The following RP1 variants were observed in gnomAD, a reference collection of about 807,000 sequenced individuals.
The protein encoded by RP1 is RP1 axonemal microtubule associated.
A neutral mutation model predicts 14.8 loss-of-function variants in RP1; 16 were observed. That is an observed-to-expected ratio of 1.08 (90% CI 0.73 to 1.65). The LOEUF (loss-of-function observed/expected upper bound fraction) is 1.65, where lower values mean the gene tolerates loss of function less well. Among genes scored for constraint, RP1 ranks in the 40% most tolerant of loss-of-function variants. The probability of loss-of-function intolerance (pLI) is 0.00; values close to 1 mark genes in which losing one functional copy is unlikely to be tolerated. For missense variants in RP1, 2,631 were observed against 2,535.0 expected (o/e 1.04, Z -0.81); for synonymous variants, 876 against 883.6 (o/e 0.99, Z 0.15).
Position 54,706,703 on chromosome 8 carries a change from C to T in RP1, c.2211+48C>T, listed in dbSNP as rs574300142. 24 of 1,511,196 alleles carry T rather than the reference C, an allele frequency of 1.6e-5. No individual in the cohort carries two copies. The East Asian group carries it at 5.4e-4, about 34-fold the overall frequency. 93.6% of individuals were successfully genotyped at this position (1,511,196 alleles called of 1,614,324 possible). A position where few individuals can be genotyped will look rare whatever the true frequency, so the allele number is the denominator to read the frequency against. On this transcript the variant is annotated intron_variant, in intron 15 of 22. Coordinates refer to the RP1 transcript ENST00000636932. ...CTCAGCAAATGTTTAAGACATTTGC[C>T]AGTTGTAGACATGAGAATAGCACTT...
intron 1 of RP1, among the ~76,000 whole-genome samples, chr8:54,565,512 C>A (rs944343182): frequency 6.6e-6 from 1 of 152,132 alleles, no homozygotes; most frequent in South Asian, 2.1e-4. Flanking sequence ...TTGCAAAAAC[C>A]AAAAACCTTA....
exon 9 of RP1, chr8:54,678,513 C>T (rs187195659): frequency 6.3e-5 from 97 of 1,533,620 alleles, no homozygotes; most frequent in Non-Finnish European, 7.5e-5. Flanking sequence ...CAACAAATTA[C>T]GAATATGCCT....
In RP1 at chr8:54,679,910, T is replaced by C. The variant is rs924401868; in HGVS notation, c.1694T>C (p.Ile565Thr). 22 of 1,535,894 alleles carry C rather than the reference T, an allele frequency of 1.4e-5. No individual in the cohort carries two copies. In the African/African-American group the frequency reaches 1.9e-4, roughly 13 times the overall value. The stretch of plus-strand genomic sequence containing the variant: ...CATCCAGATGGCACAGTTGACGCCA[T>C]TGGAGAGAAGACAGACAAATATGGT... Residue 565 changes from isoleucine to threonine, a missense_variant, in exon 12 of 23, where the codon ATT (isoleucine) becomes ACT (threonine). By Grantham distance (89) the Ile-to-Thr change is moderately conservative. Coordinates refer to the RP1 transcript ENST00000636932.
intron 22 of RP1, among the ~76,000 whole-genome samples, chr8:54,768,637 A>T (rs1809824271): frequency 6.6e-6 from 1 of 152,194 alleles, no homozygotes; most frequent in African/African-American, 2.4e-5. Flanking sequence ...CTTGTACACG[A>T]CTTTTCATTT....
chr8:54,797,927 T>C (rs1483463792), intron 24 of RP1, among the ~76,000 whole-genome samples: 1 of 151,538 alleles, frequency 6.6e-6, no homozygotes, highest in African/African-American at 2.4e-5. Flanking sequence ...TTGTAAAATT[T>C]TGCAGTGTGG....
chr8:54,764,624 T>C (rs1289485921), intron 22 of RP1, among the ~76,000 whole-genome samples: 3 of 152,220 alleles, frequency 2.0e-5, no homozygotes, highest in Non-Finnish European at 4.4e-5. Flanking sequence ...TGATGTCTTA[T>C]ATTTTTACTT....
chr8:54,812,153 T>C (rs147044206), intron 24 of RP1, among the ~76,000 whole-genome samples: 19 of 152,328 alleles, frequency 1.2e-4, no homozygotes, highest in African/African-American at 4.6e-4. Context: ...TTCTTTTATT[T>C]ATGTAGACAC....
intron 12 of RP1, among the ~76,000 whole-genome samples, chr8:54,693,516 C>T (rs1807772879): frequency 6.6e-6 from 1 of 152,040 alleles, no homozygotes; most frequent in Non-Finnish European, 1.5e-5. Flanking sequence ...TGTAGTTCTC[C>T]TTGAAGAGGT....
At chr8:54,577,746 TTAAC>T (rs113199709) in intron 1 of RP1, among the ~76,000 whole-genome samples, 185 of 152,280 alleles carry the variant, frequency 1.2e-3, no homozygotes, top group African/African-American at 4.2e-3. Flanking sequence ...CTTAGATAGT[TTAAC>T]TACCCCTCAC....
At chr8:54,810,772 A>G (rs1330126869) in intron 24 of RP1, among the ~76,000 whole-genome samples, 1 of 152,248 alleles carries the variant, frequency 6.6e-6, no homozygotes, top group African/African-American at 2.4e-5. Context: ...AACATGCCAC[A>G]GAAGATTCAC....
At chr8:54,668,997 C>T (rs1216421129) in intron 7 of RP1, among the ~76,000 whole-genome samples, 1 of 152,050 alleles carries the variant, frequency 6.6e-6, no homozygotes, top group Non-Finnish European at 1.5e-5. Flanking sequence ...AACAGAAAAG[C>T]AATGATAACA....
intron 12 of RP1, among the ~76,000 whole-genome samples, chr8:54,688,129 C>T (rs1038885860): frequency 6.6e-6 from 1 of 152,128 alleles, no homozygotes; most frequent in Non-Finnish European, 1.5e-5. Flanking sequence ...AGTGTCTATT[C>T]ATATCCTTGG....
intron 22 of RP1, among the ~76,000 whole-genome samples, chr8:54,761,939 A>G (rs1290030318): frequency 1.3e-5 from 2 of 152,170 alleles, no homozygotes; most frequent in Non-Finnish European, 2.9e-5. Flanking sequence ...GAAAAAGGCC[A>G]TTCTGAAGCC....
At chr8:54,852,498 C>T in intron 25 of RP1, 3 of 1,040,258 alleles carry the variant, frequency 2.9e-6, no homozygotes, top group Non-Finnish European at 2.5e-6. Flanking sequence ...ATTCTGATTT[C>T]CTTGCAGAAT....
chr8:54,751,907 G>A (rs1174757287), intron 19 of RP1, among the ~76,000 whole-genome samples: 5 of 152,182 alleles, frequency 3.3e-5, no homozygotes, highest in Non-Finnish European at 1.5e-5. Context: ...TGGTGTTCGT[G>A]GGGTTGCACT....
At chr8:54,663,847 A>T (rs1324867362) in exon 7 of RP1, 6 of 1,519,814 alleles carry the variant, frequency 3.9e-6, no homozygotes, top group Non-Finnish European at 8.8e-7. Flanking sequence ...TTTTAAGAGG[A>T]CAAGTAAGCA....
At position 54,621,223 on chromosome 8, in the gene RP1, CT is replaced by C; in HGVS notation, c.258del (p.Arg87GlyfsTer29). 6.2e-7 allele frequency: 1 copy of C among 1,614,184 alleles called. No individual in the cohort carries two copies. Among genetic ancestry groups the C allele is most frequent in the African/African-American group, 1.3e-5 (1 of 75,046 alleles). ...LPFGVRNISTPRGRHSITRLE... is the reference protein window; with the variant it reads ...LPFGVRNISTXRGRHSITRLE... ...TTTGGAGTGAGGAACATCAGCACCC[CT>C]CGGGGCAGGCACAGCATCACGCGCC... On this transcript the variant is annotated frameshift_variant, in exon 2 of 4. Transcript: ENST00000220676. LOFTEE classifies it high-confidence loss of function.
rs146517676 is a variant in RP1, at chr8:54,640,133, C to T, written c.788-8852C>T. Reference sequence around the variant, plus strand: ...TGAGCTTTTTTTTTTTTTAAATATACTGTGGGAGGTAAGAGTTGAGGTTCA... The same window carrying T: ...TGAGCTTTTTTTTTTTTTAAATATATTGTGGGAGGTAAGAGTTGAGGTTCA... On this transcript the variant is annotated intron_variant, in intron 3 of 22. Coordinates refer to the RP1 transcript ENST00000636932. Among the ~76,000 whole-genome samples, 720 of 150,116 alleles carry T rather than the reference C, an allele frequency of 4.8e-3. 3 individuals are homozygous for T. Among genetic ancestry groups the T allele is most frequent in the Admixed American group, 8.2e-3 (123 of 15,084 alleles).
intron 12 of RP1, among the ~76,000 whole-genome samples, chr8:54,681,520 GTGTA>G (rs1017073082): frequency 6.5e-5 from 9 of 137,924 alleles, no homozygotes; most frequent in South Asian, 4.7e-4. Context: ...GTGTGTGTGT[GTGTA>G]TGTATATATG....
Sources: gnomAD v4.1 joint callset for allele counts (sites outside exome capture counted in the v4.1 genomes callset) on GRCh38, gnomAD v4.1.1 for gene constraint, MANE v1.5 for transcripts, NCBI Gene and HGNC (gene_info 2026-07-23, HGNC 2026-07-21) for gene names.